RBFOX1: variants seen among roughly 807,000 people sequenced by gnomAD.
The protein encoded by RBFOX1 is RNA binding protein fox-1 homolog 1.
RBFOX1 carries 8 observed loss-of-function variants against 57.7 expected under a neutral mutation model. The ratio of observed to expected loss-of-function variants is 0.14; its 90% CI spans 0.08 to 0.25. The LOEUF (loss-of-function observed/expected upper bound fraction) is 0.25, where lower values mean the gene tolerates loss of function less well. Among genes scored for constraint, RBFOX1 ranks in the 10% least tolerant of loss-of-function variants. The pLI is 1.00. For missense variants in RBFOX1, 611 were observed against 548.5 expected (o/e 1.11, Z -1.14); for synonymous variants, 326 against 222.4 (o/e 1.47, Z -4.15).
intron 1 of RBFOX1, among the ~76,000 whole-genome samples, chr16:5,432,559 G>GTTTTTTTTTTTTTTTGTTTTT (rs2067781309): frequency 2.1e-5 from 2 of 94,222 alleles, no homozygotes; most frequent in Admixed American, 1.3e-4. Flanking sequence ...TTGTTTGTTT[G>GTTTTTTTTTTTTTTTGTTTTT]TTTTTTTTTT....
At chr16:6,778,505 A>T (rs906214402) in intron 3 of RBFOX1, among the ~76,000 whole-genome samples, 2 of 152,126 alleles carry the variant, frequency 1.3e-5, no homozygotes, top group African/African-American at 2.4e-5. Flanking sequence ...CAACATTAAC[A>T]TTGATTCCCT....
intron 1 of RBFOX1, among the ~76,000 whole-genome samples, chr16:5,362,072 A>G (rs79068526): frequency 0.027 from 4,092 of 152,340 alleles, 198 homozygotes; most frequent in African/African-American, 0.094. Context: ...AGAACATTTA[A>G]CTTAATATTG....
chr16:5,255,392 A>G (rs1881324), intron 1 of RBFOX1, among the ~76,000 whole-genome samples: 2 of 120,554 alleles, frequency 1.7e-5, no homozygotes, highest in Non-Finnish European at 3.9e-5. Context: ...AGACATGCAT[A>G]CATCCATCCA....
intron 3 of RBFOX1, among the ~76,000 whole-genome samples, chr16:5,693,735 C>G (rs150437973): frequency 6.6e-6 from 1 of 152,318 alleles, no homozygotes; most frequent in East Asian, 1.9e-4. Flanking sequence ...CCCATTCTAT[C>G]CAAGATCAAG....
chr16:6,888,544 T>C (rs1423665870), intron 3 of RBFOX1, among the ~76,000 whole-genome samples: 1 of 152,176 alleles, frequency 6.6e-6, no homozygotes, highest in Non-Finnish European at 1.5e-5. Flanking sequence ...CCACATTGTT[T>C]TTACTTGCTG....
At chr16:5,476,359 A>G (rs2069324107) in intron 2 of RBFOX1, among the ~76,000 whole-genome samples, 1 of 152,188 alleles carries the variant, frequency 6.6e-6, no homozygotes, top group Non-Finnish European at 1.5e-5. Flanking sequence ...ATATGCTCCA[A>G]ACTGGAGAGG....
At chr16:6,772,535 ATTTGTGAGTGTATGTGTATGTG>A (rs2078484242) in intron 3 of RBFOX1, among the ~76,000 whole-genome samples, 1 of 146,806 alleles carries the variant, frequency 6.8e-6, no homozygotes, top group African/African-American at 2.5e-5. Context: ...TATGGGGCGC[ATTTGTGAGTGTATGTGTATGTG>A]TGGGGTGCAT....
chr16:6,944,241 A>G (rs2153507988), intron 3 of RBFOX1, among the ~76,000 whole-genome samples: 1 of 152,020 alleles, frequency 6.6e-6, no homozygotes, highest in South Asian at 2.1e-4. Context: ...CTAAAAATAC[A>G]AAAATAAGCC....
At chr16:5,262,766 G>A (rs1395649976) in intron 1 of RBFOX1, among the ~76,000 whole-genome samples, 1 of 152,234 alleles carries the variant, frequency 6.6e-6, no homozygotes, top group Non-Finnish European at 1.5e-5. Flanking sequence ...CTGGGGTGCT[G>A]ATGGGGAGTT....
chr16:6,483,629 G>T, intron 2 of RBFOX1: 1 of 1,323,366 alleles, frequency 7.6e-7, no homozygotes. Flanking sequence ...GAGAGACCAG[G>T]CAGCTTCTGC....
chr16:6,905,093 C>T (rs1030831421), intron 3 of RBFOX1, among the ~76,000 whole-genome samples: 3 of 152,132 alleles, frequency 2.0e-5, no homozygotes, highest in East Asian at 1.9e-4. Flanking sequence ...CCCTGGGAGT[C>T]AGTGTTGTTA....
chr16:6,829,917 A>AT (rs953193342), intron 3 of RBFOX1, among the ~76,000 whole-genome samples: 4 of 150,464 alleles, frequency 2.7e-5, no homozygotes, highest in Non-Finnish European at 4.4e-5. Context: ...TTTTTATTTT[A>AT]TTTTTTTTAT....
intron 1 of RBFOX1, among the ~76,000 whole-genome samples, chr16:5,465,811 A>G (rs2068934842): frequency 6.6e-6 from 1 of 152,224 alleles, no homozygotes; most frequent in South Asian, 2.1e-4. Flanking sequence ...GAGACTCAGC[A>G]AGTGGAGTCC....
intron 4 of RBFOX1, among the ~76,000 whole-genome samples, chr16:7,289,579 G>GC (rs1207313991): frequency 6.6e-6 from 1 of 151,846 alleles, no homozygotes; most frequent in African/African-American, 2.4e-5. Context: ...GATTATCAGT[G>GC]CCATCATTAC....
intron 4 of RBFOX1, among the ~76,000 whole-genome samples, chr16:7,246,960 A>G (rs988981307): frequency 1.2e-4 from 19 of 152,116 alleles, no homozygotes; most frequent in African/African-American, 4.3e-4. Context: ...TGTCTCCCAC[A>G]TTAGGATACC....
intron 1 of RBFOX1, among the ~76,000 whole-genome samples, chr16:5,388,746 T>C (rs1357917007): frequency 6.6e-6 from 1 of 151,936 alleles, no homozygotes; most frequent in East Asian, 2.0e-4. Context: ...AGCTAATTTT[T>C]TTGTAATTTT....
chr16:5,883,480 A>G (rs1276199916), intron 4 of RBFOX1, among the ~76,000 whole-genome samples: 1 of 151,660 alleles, frequency 6.6e-6, no homozygotes, highest in Non-Finnish European at 1.5e-5. Flanking sequence ...ATTGGTAAGT[A>G]AACTGTCTCG....
intron 3 of RBFOX1, among the ~76,000 whole-genome samples, chr16:6,818,548 C>G (rs2090613780): frequency 6.6e-6 from 1 of 152,184 alleles, no homozygotes; most frequent in Non-Finnish European, 1.5e-5. Context: ...AAGATTTAAA[C>G]TCTAGTTCCC....
At chr16:6,894,496 T>C (rs1374075906) in intron 3 of RBFOX1, among the ~76,000 whole-genome samples, 1 of 152,186 alleles carries the variant, frequency 6.6e-6, no homozygotes, top group Non-Finnish European at 1.5e-5. Context: ...ATCTGTCTCA[T>C]GTTTCTGTTC....
Sources: allele counts gnomAD v4.1 joint callset (sites outside exome capture counted in the v4.1 genomes callset), GRCh38; gene constraint gnomAD v4.1.1; transcripts MANE v1.5; gene names NCBI Gene and HGNC (gene_info 2026-07-23, HGNC 2026-07-21).